The following ST8SIA2 variants were observed in gnomAD, a reference collection of about 807,000 sequenced individuals.
The protein encoded by ST8SIA2 is ST8 alpha-N-acetyl-neuraminide alpha-2,8-sialyltransferase 2.
A neutral mutation model predicts 37.6 loss-of-function variants in ST8SIA2; 22 were observed. That is an observed-to-expected ratio of 0.58 (90% confidence interval 0.42 to 0.83). The LOEUF (loss-of-function observed/expected upper bound fraction) is 0.83. Ranked by LOEUF, ST8SIA2 falls within the 40% of genes least tolerant of loss-of-function variation. The pLI, the probability that ST8SIA2 is intolerant of heterozygous loss-of-function variation, is 0.00. For missense variants in ST8SIA2, 382 were observed against 484.7 expected (o/e 0.79, Z 1.99); for synonymous variants, 205 against 201.2 (o/e 1.02, Z -0.16).
At chr15:92,461,864 C>T (rs1379355270) in intron 5 of ST8SIA2, among the ~76,000 whole-genome samples, 3 of 152,172 alleles carry the variant, frequency 2.0e-5, no homozygotes, top group Non-Finnish European at 2.9e-5. Context: ...GAAGAAATGA[C>T]GAAGATCTCA....
chr15:92,397,272 C>T (rs1033288986), intron 1 of ST8SIA2, among the ~76,000 whole-genome samples: 2 of 151,978 alleles, frequency 1.3e-5, no homozygotes, highest in East Asian at 1.9e-4. Context: ...TTTTGATTCT[C>T]TTTTTTTTAT....
Position 92,430,065 on chromosome 15 carries a change from G to A in ST8SIA2, c.115G>A (p.Gly39Ser). 6.2e-7 allele frequency: 1 copy of A among 1,614,166 alleles called. No homozygotes were observed. Among genetic ancestry groups the A allele is most frequent in the South Asian group, 1.1e-5 (1 of 91,082 alleles). ...EEEIGNSGGR[G>S]TIRSAVNSLH... is the part of the protein sequence containing the mutation. ...GTCTTGCAGGAATTCGGGAGGCAGA[G>A]GTACAATCAGATCAGCTGTGAACAG... Residue 39 changes from glycine to serine, a missense_variant, in exon 2 of 6, where the codon GGT (glycine) becomes AGT (serine). By Grantham distance (56) the Gly-to-Ser change is moderately conservative (BLOSUM62 0). Transcript: ENST00000268164.
chr15:92,413,701 G>A (rs757221843), intron 1 of ST8SIA2, among the ~76,000 whole-genome samples: 1 of 152,216 alleles, frequency 6.6e-6, no homozygotes, highest in Non-Finnish European at 1.5e-5. Context: ...CACTTGTCAG[G>A]CCCCTGCGGT....
In ST8SIA2 at chr15:92,468,625, A is replaced by G. The variant is rs1366257241; in HGVS notation, c.*4240A>G. 1 of 152,724 alleles carries G rather than the reference A, an allele frequency of 6.5e-6. No homozygotes were observed. Among genetic ancestry groups the G allele is most frequent in the Non-Finnish European group, 1.5e-5 (1 of 68,068 alleles). The allele number at this position is 152,724 out of a possible 1,614,324, so 9.5% of individuals were successfully genotyped here. A position where few individuals can be genotyped will look rare whatever the true frequency, so the allele number is the denominator to read the frequency against. On this transcript the variant is annotated 3_prime_UTR_variant, in exon 6 of 6. Transcript: ENST00000268164. ...CTGTTCTTAGACTGTAAGCTTGCCA[A>G]GGGCAGGGACTGTGTTTTATTCATC...
At chr15:92,443,579 C>T (rs760526728) in intron 4 of ST8SIA2, among the ~76,000 whole-genome samples, 2 of 152,146 alleles carry the variant, frequency 1.3e-5, no homozygotes, top group Non-Finnish European at 2.9e-5. Flanking sequence ...CTCCAGAACC[C>T]TCAGTGGCTC....
intron 1 of ST8SIA2, among the ~76,000 whole-genome samples, chr15:92,399,033 C>T (rs2049451942): frequency 6.6e-6 from 1 of 152,146 alleles, no homozygotes; most frequent in Admixed American, 6.6e-5. Context: ...AAGTTCAGTG[C>T]CATGCTGGAG....
At chr15:92,450,723 C>G (rs552284986) in intron 5 of ST8SIA2, among the ~76,000 whole-genome samples, 1 of 152,330 alleles carries the variant, frequency 6.6e-6, no homozygotes, top group East Asian at 1.9e-4. Flanking sequence ...TCACCTCCCA[C>G]CAGGTCCCAC....
At chr15:92,423,957 A>G (rs1258083944) in intron 1 of ST8SIA2, among the ~76,000 whole-genome samples, 1 of 152,232 alleles carries the variant, frequency 6.6e-6, no homozygotes, top group Non-Finnish European at 1.5e-5. Context: ...ACTGACCCCA[A>G]GTCATCCTGT....
chr15:92,411,677 C>T (rs1046948536), intron 1 of ST8SIA2, among the ~76,000 whole-genome samples: 3 of 152,122 alleles, frequency 2.0e-5, no homozygotes, highest in African/African-American at 7.2e-5. Context: ...TTTATAGGTA[C>T]AGCCACTGAG....
intron 1 of ST8SIA2, among the ~76,000 whole-genome samples, chr15:92,425,554 A>G (rs1567215664): frequency 1.3e-5 from 2 of 152,238 alleles, no homozygotes; most frequent in South Asian, 2.1e-4. Context: ...AGATGAAGCA[A>G]TGACTGCCAC....
At chr15:92,399,204 C>T (rs1409884825) in intron 1 of ST8SIA2, among the ~76,000 whole-genome samples, 1 of 152,126 alleles carries the variant, frequency 6.6e-6, no homozygotes, top group Non-Finnish European at 1.5e-5. Context: ...GGGCCTGCCT[C>T]GATACTACGT....
Position 92,394,044 on chromosome 15 carries a change from C to A in ST8SIA2, c.-21C>A. 1.3e-6 allele frequency: 2 copies of A among 1,542,990 alleles called. No individual in the cohort carries two copies. Among genetic ancestry groups the A allele is most frequent in the Non-Finnish European group, 8.7e-7 (1 of 1,143,178 alleles). ...GCTCCTCGCGCCGGCCCGCGTGGGT[C>A]CCGGCGGGCGCGAACCCACCATGCA... On this transcript the variant is annotated 5_prime_UTR_variant, in exon 1 of 6. Transcript: ENST00000268164.
At chr15:92,451,448 G>A (rs1226126565) in intron 5 of ST8SIA2, among the ~76,000 whole-genome samples, 4 of 152,204 alleles carry the variant, frequency 2.6e-5, no homozygotes, top group East Asian at 1.9e-4. Context: ...GCCAGCACCT[G>A]GGCATGACAC....
At chr15:92,405,084 A>G (rs1157428958) in intron 1 of ST8SIA2, among the ~76,000 whole-genome samples, 1 of 138,266 alleles carries the variant, frequency 7.2e-6, no homozygotes, top group Non-Finnish European at 1.6e-5. Context: ...ATATAGCAAG[A>G]CCCTGTTCTT....
chr15:92,434,986 G>A lies in ST8SIA2; in HGVS notation c.290+611G>A, dbSNP rs191234651. On this transcript the variant is annotated intron_variant, in intron 3 of 5. Transcript: ENST00000268164. Reference sequence around the variant, plus strand: ...TTTTCAGAGCACTGCAGCCATCATCGGGTAGTGGCAATGGGGAACCGTAGA... The same window carrying A: ...TTTTCAGAGCACTGCAGCCATCATCAGGTAGTGGCAATGGGGAACCGTAGA... Among the ~76,000 whole-genome samples the A allele has an allele frequency of 3.7e-4, 57 of 152,328 alleles. 1 individual carries two copies. Among genetic ancestry groups the A allele is most frequent in the African/African-American group, 1.3e-3 (52 of 41,572 alleles).
intron 1 of ST8SIA2, among the ~76,000 whole-genome samples, chr15:92,415,774 A>G (rs1411588688): frequency 6.6e-6 from 1 of 152,142 alleles, no homozygotes; most frequent in Non-Finnish European, 1.5e-5. Context: ...GCTAGATATG[A>G]CCCAGGGCTG....
chr15:92,394,325 G>A (rs1469977721), intron 1 of ST8SIA2, among the ~76,000 whole-genome samples, 163 bp downstream of exon 1: 1 of 152,158 alleles, frequency 6.6e-6, no homozygotes, highest in East Asian at 1.9e-4. Context: ...AGGGGCCCGG[G>A]ACGGTTTGGG....
intron 5 of ST8SIA2, among the ~76,000 whole-genome samples, chr15:92,450,558 G>A (rs545918268): frequency 6.6e-6 from 1 of 152,310 alleles, no homozygotes; most frequent in South Asian, 2.1e-4. Flanking sequence ...GGCAAAGGGA[G>A]AGTGAGGCGT....
chr15:92,403,018 C>T (rs1403327092), intron 1 of ST8SIA2, among the ~76,000 whole-genome samples: 1 of 152,040 alleles, frequency 6.6e-6, no homozygotes, highest in East Asian at 1.9e-4. Context: ...GAGTGAGTGA[C>T]GGAGGGAGGG....
Sources: gnomAD v4.1 joint callset for allele counts (sites outside exome capture counted in the v4.1 genomes callset) on GRCh38, gnomAD v4.1.1 for gene constraint, MANE v1.5 for transcripts, NCBI Gene and HGNC (gene_info 2026-07-23, HGNC 2026-07-21) for gene names.